The following CNKSR2 variants were observed in gnomAD, a reference collection of about 807,000 sequenced individuals.
The protein encoded by CNKSR2 is connector enhancer of kinase suppressor of Ras 2, also known as CNK homolog protein 2.
In CNKSR2, 14 loss-of-function variants were observed where a neutral mutation model predicts 84.4. That is an observed-to-expected ratio of 0.17 (90% confidence interval 0.11 to 0.26). The LOEUF is 0.26. Ranked by LOEUF, CNKSR2 falls within the 10% of genes least tolerant of loss-of-function variation. The probability of loss-of-function intolerance (pLI) is 1.00; values close to 1 mark genes in which losing one functional copy is unlikely to be tolerated. For synonymous variants in CNKSR2, 275 were observed against 277.9 expected (o/e 0.99, Z 0.10); for missense variants, 485 against 771.2 (o/e 0.63, Z 4.40).
At chrX:21,382,542 A>G (rs1162804603) in intron 1 of CNKSR2, among the ~76,000 whole-genome samples, 1 of 111,180 alleles carries the variant, frequency 9.0e-6, no homozygotes, top group African/African-American at 3.3e-5. Flanking sequence ...TGATGGAGTG[A>G]AATTGATCAG....
intron 5 of CNKSR2, among the ~76,000 whole-genome samples, chrX:21,475,754 A>G (rs2091254076): frequency 8.9e-6 from 1 of 111,768 alleles, no homozygotes; most frequent in African/African-American, 3.2e-5. Flanking sequence ...AAAACTTGTT[A>G]TAGCCTAGGA....
chrX:21,642,866 C>CAT, intron 20 of CNKSR2: 1 of 737,016 alleles, frequency 1.4e-6, no homozygotes, highest in Non-Finnish European at 1.6e-6. Flanking sequence ...ATCTGCCTTA[C>CAT]AATTGCCTCT....
intron 13 of CNKSR2, among the ~76,000 whole-genome samples, chrX:21,570,767 C>G (rs750760782): frequency 3.6e-5 from 4 of 112,173 alleles, no homozygotes; most frequent in Middle Eastern, 4.6e-3. Context: ...GAAAAGAGAT[C>G]GGAGAACAGC....
intron 1 of CNKSR2, among the ~76,000 whole-genome samples, chrX:21,413,810 A>ACTCC (rs1322882715): frequency 9.0e-6 from 1 of 111,175 alleles, no homozygotes; most frequent in Non-Finnish European, 1.9e-5. Context: ...GCTGAATATT[A>ACTCC]CTCCATTGTG....
intron 5 of CNKSR2, among the ~76,000 whole-genome samples, chrX:21,483,595 T>C (rs748042899): frequency 1.3e-5 from 1 of 74,855 alleles, no homozygotes; most frequent in East Asian, 4.9e-4. Context: ...TATAATAAAA[T>C]ATATATATAT....
intron 8 of CNKSR2, among the ~76,000 whole-genome samples, chrX:21,507,570 G>A (rs957976904): frequency 9.0e-6 from 1 of 110,900 alleles, no homozygotes; most frequent in African/African-American, 3.3e-5. Context: ...ATATATATAC[G>A]TGTGTGCTTT....
chrX:21,471,669 C>T (rs1456471872), intron 5 of CNKSR2, among the ~76,000 whole-genome samples: 1 of 112,064 alleles, frequency 8.9e-6, no homozygotes, highest in Non-Finnish European at 1.9e-5. Flanking sequence ...ATCAGCAGTA[C>T]AGCATCCCTA....
intron 4 of CNKSR2, among the ~76,000 whole-genome samples, chrX:21,470,271 G>T (rs2091181580): frequency 8.9e-6 from 1 of 111,801 alleles, no homozygotes; most frequent in Non-Finnish European, 1.9e-5. Context: ...AATTTTAAGT[G>T]TGTACTGTAA....
intron 15 of CNKSR2, 167 bp downstream of exon 15, chrX:21,591,361 C>T (rs1377945144): frequency 5.9e-6 from 2 of 341,570 alleles, no homozygotes; most frequent in Non-Finnish European, 1.0e-5. Flanking sequence ...TGTTGGGGTT[C>T]TAGAAAGATA....
chrX:21,515,506 A>G (rs1221720113), intron 8 of CNKSR2, among the ~76,000 whole-genome samples: 1 of 111,281 alleles, frequency 9.0e-6, no homozygotes, highest in Non-Finnish European at 1.9e-5. Context: ...AGTATAATCC[A>G]TTAGGGTTTG....
At chrX:21,647,409 TAC>T (rs1298182796) in intron 20 of CNKSR2, among the ~76,000 whole-genome samples, 1 of 112,161 alleles carries the variant, frequency 8.9e-6, no homozygotes, top group Non-Finnish European at 1.9e-5. Flanking sequence ...TAGTTTTAGA[TAC>T]AGTCATTTTG....
At chrX:21,421,672 T>C (rs931672984) in intron 1 of CNKSR2, 5 of 111,422 alleles carry the variant, frequency 4.5e-5, no homozygotes, top group Admixed American at 9.5e-5. Context: ...CTTTTTTTTA[T>C]TTTATATTTA....
chrX:21,402,430 A>G (rs1476799937), intron 1 of CNKSR2, among the ~76,000 whole-genome samples: 3 of 111,600 alleles, frequency 2.7e-5, no homozygotes, highest in Non-Finnish European at 5.7e-5. Flanking sequence ...ATTTTAAAAC[A>G]GTATGTTTGT....
chrX:21,394,214 G>T (rs1189449080), intron 1 of CNKSR2, among the ~76,000 whole-genome samples: 1 of 112,027 alleles, frequency 8.9e-6, no homozygotes, highest in Non-Finnish European at 1.9e-5. Context: ...ATTTATTACT[G>T]TACAGGATTT....
In CNKSR2 at chrX:21,526,902, C is replaced by T. The variant is rs1297570151; in HGVS notation, c.993C>T (p.Ala331=). ...CTAGAAGTCCCACAAGCAGCGTTGC[C>T]ACGCCTTCCAGCACCATCAGTACAC... The part of the protein sequence containing the change: ...LIPRSPTSSV[A]TPSSTISTPT... The change falls in exon 10 of 22, where the codon GCC becomes GCT. Residue 331 remains alanine (A), a synonymous_variant. Coordinates refer to ENST00000379510, the MANE Select transcript of CNKSR2 (RefSeq NM_014927.5). The T allele has an allele frequency of 8.3e-7, 1 of 1,202,260 alleles. No individual in the cohort carries two copies. Among genetic ancestry groups the T allele is most frequent in the East Asian group, 3.0e-5 (1 of 33,623 alleles).
At chrX:21,465,897 A>G (rs1179315685) in intron 4 of CNKSR2, among the ~76,000 whole-genome samples, 1 of 111,603 alleles carries the variant, frequency 9.0e-6, no homozygotes. Flanking sequence ...TAGCAATTGC[A>G]TCATTGTTTC....
intron 4 of CNKSR2, among the ~76,000 whole-genome samples, chrX:21,465,015 T>C (rs2091108750): frequency 8.9e-6 from 1 of 112,184 alleles, no homozygotes; most frequent in Non-Finnish European, 1.9e-5. Context: ...TTACTTCTTA[T>C]TGACTGTGCA....
chrX:21,649,378 C>G (rs1295017695), intron 21 of CNKSR2, among the ~76,000 whole-genome samples: 1 of 112,198 alleles, frequency 8.9e-6, no homozygotes, highest in African/African-American at 3.2e-5. Flanking sequence ...ATTAGCATTA[C>G]TAAAAGAACA....
intron 4 of CNKSR2, among the ~76,000 whole-genome samples, chrX:21,453,952 C>T (rs1016414495): frequency 8.9e-6 from 1 of 111,993 alleles, no homozygotes; most frequent in Non-Finnish European, 1.9e-5. Flanking sequence ...GATTTAATCA[C>T]ATCCCACCAG....
Sources: gnomAD v4.1 joint callset for allele counts (sites outside exome capture counted in the v4.1 genomes callset) on GRCh38, gnomAD v4.1.1 for gene constraint, MANE v1.5 for transcripts, NCBI Gene and HGNC (gene_info 2026-07-23, HGNC 2026-07-21) for gene names.